The following KAZN variants were observed in gnomAD, a reference collection of about 807,000 sequenced individuals.
KAZN encodes kazrin.
Under a neutral mutation model 87.4 loss-of-function variants are expected in KAZN, and 40 were observed. That is an observed-to-expected ratio of 0.46 (90% CI 0.36 to 0.60). The LOEUF is 0.60. KAZN is among the 20% of genes least tolerant of loss of function. The pLI, the probability that KAZN is intolerant of heterozygous loss-of-function variation, is 0.00. For synonymous variants in KAZN, 466 were observed against 458.3 expected, an observed-to-expected ratio of 1.02 and a Z score of -0.22; for missense variants, 898 against 1,073.9, an observed-to-expected ratio of 0.84 and a Z score of 2.29.
intron 2 of KAZN, among the ~76,000 whole-genome samples, chr1:14,256,158 T>G (rs1650495934): frequency 1.3e-5 from 2 of 152,166 alleles, no homozygotes; most frequent in Non-Finnish European, 2.9e-5. Context: ...CCTTCTATGC[T>G]GTTAACTCAG....
At chr1:14,115,326 C>T (rs1287133773) in intron 1 of KAZN, among the ~76,000 whole-genome samples, 1 of 152,204 alleles carries the variant, frequency 6.6e-6, no homozygotes, top group East Asian at 1.9e-4. Flanking sequence ...TGGCTGTGCC[C>T]CCACCCAAAT....
intron 1 of KAZN, among the ~76,000 whole-genome samples, chr1:14,054,363 C>G (rs914187825): frequency 6.6e-6 from 1 of 152,230 alleles, no homozygotes; most frequent in Non-Finnish European, 1.5e-5. Context: ...CCTATAAGGT[C>G]TGATGGACAA....
chr1:14,823,462 C>T (rs1646794566), intron 1 of KAZN, among the ~76,000 whole-genome samples: 1 of 152,104 alleles, frequency 6.6e-6, no homozygotes, highest in South Asian at 2.1e-4. Flanking sequence ...GGTATCCCCA[C>T]CCCCACTCCC....
At chr1:15,000,274 A>C (rs888147585) in intron 2 of KAZN, among the ~76,000 whole-genome samples, 1 of 151,672 alleles carries the variant, frequency 6.6e-6, no homozygotes, top group African/African-American at 2.4e-5. Flanking sequence ...GCAAGGAAAC[A>C]AATTCTCCCC....
chr1:14,843,533 C>T (rs1415064609), intron 1 of KAZN, among the ~76,000 whole-genome samples: 1 of 152,134 alleles, frequency 6.6e-6, no homozygotes, highest in African/African-American at 2.4e-5. Context: ...TCTGCCGTGC[C>T]CTGATTCTGA....
chr1:14,499,553 C>T lies in KAZN; in HGVS notation c.250-99430C>T, dbSNP rs192664457. Among the ~76,000 whole-genome samples, 15 of 152,250 alleles carry T rather than the reference C, an allele frequency of 9.9e-5. No individual in the cohort carries two copies. In the East Asian group the frequency reaches 1.7e-3, roughly 18 times the overall value. The stretch of plus-strand genomic sequence containing the variant: ...TAACAATGGTGCATTGTCTCATTAT[C>T]GATTGTTCTGCAGTCTAACTGGGTT... On this transcript the variant is annotated intron_variant, in intron 2 of 16. Transcript: ENST00000636203.
At chr1:14,412,138 A>G (rs756330800) in intron 2 of KAZN, among the ~76,000 whole-genome samples, 27 of 152,356 alleles carry the variant, frequency 1.8e-4, no homozygotes, top group Non-Finnish European at 3.7e-4. Flanking sequence ...CAAAGAAAAG[A>G]CGTGACAAAC....
intron 1 of KAZN, among the ~76,000 whole-genome samples, chr1:14,846,574 ATATT>A (rs922638067): frequency 2.0e-5 from 3 of 152,194 alleles, no homozygotes; most frequent in African/African-American, 7.2e-5. Flanking sequence ...ACAAGAACAC[ATATT>A]TATTTTAGTT....
chr1:14,403,403 G>GA (rs146746817), intron 2 of KAZN, among the ~76,000 whole-genome samples: 38,951 of 149,828 alleles, frequency 0.26, 5,799 homozygotes, highest in Non-Finnish European at 0.35. Context: ...CTCCCCAAAC[G>GA]AAAAAAAAAT....
chr1:14,832,811 CAAAG>C (rs1053068968), intron 1 of KAZN, among the ~76,000 whole-genome samples: 4 of 152,132 alleles, frequency 2.6e-5, no homozygotes, highest in African/African-American at 9.6e-5. Context: ...TGAAAAAAAA[CAAAG>C]GAAGAGCAAT....
At chr1:14,940,927 T>TC (rs1660998214) in intron 1 of KAZN, among the ~76,000 whole-genome samples, 1 of 131,390 alleles carries the variant, frequency 7.6e-6, no homozygotes, top group Non-Finnish European at 1.6e-5. Flanking sequence ...TTTTTTTTTT[T>TC]TTCTGAGAGA....
chr1:14,559,754 C>T (rs1328538694), intron 2 of KAZN, among the ~76,000 whole-genome samples: 1 of 152,144 alleles, frequency 6.6e-6, no homozygotes. Context: ...AAATAATACC[C>T]TTCAGCTGAA....
chr1:14,230,895 G>A (rs542398777), intron 2 of KAZN, among the ~76,000 whole-genome samples: 2 of 152,124 alleles, frequency 1.3e-5, no homozygotes, highest in Non-Finnish European at 2.9e-5. Flanking sequence ...TCTCAAAGAA[G>A]CCTAAGGTCT....
intron 1 of KAZN, among the ~76,000 whole-genome samples, chr1:14,932,462 G>A (rs112122775): frequency 1.3e-5 from 2 of 152,308 alleles, no homozygotes; most frequent in South Asian, 2.1e-4. Flanking sequence ...GAGAGCCTGC[G>A]TGGGGCCCTC....
chr1:14,072,111 T>C (rs1643271764), intron 1 of KAZN, among the ~76,000 whole-genome samples: 1 of 152,130 alleles, frequency 6.6e-6, no homozygotes, highest in African/African-American at 2.4e-5. Flanking sequence ...TATCCTCACC[T>C]GTGAAATGGG....
intron 2 of KAZN, among the ~76,000 whole-genome samples, chr1:14,407,921 T>C (rs1012724286): frequency 6.6e-6 from 1 of 152,216 alleles, no homozygotes; most frequent in South Asian, 2.1e-4. Context: ...CATTTCATTA[T>C]TTGCTACTTT....
chr1:14,343,946 T>C (rs1301189800), intron 2 of KAZN, among the ~76,000 whole-genome samples: 1 of 152,168 alleles, frequency 6.6e-6, no homozygotes, highest in East Asian at 1.9e-4. Context: ...TGTAGCTGCA[T>C]TGTACTAAAA....
intron 1 of KAZN, among the ~76,000 whole-genome samples, chr1:14,900,648 G>A (rs1557602088): frequency 6.6e-6 from 1 of 151,914 alleles, no homozygotes; most frequent in African/African-American, 2.4e-5. Flanking sequence ...CAACTACTCG[G>A]GAGGCTGAGG....
chr1:15,109,078 A>C (rs1263727626), intron 13 of KAZN, among the ~76,000 whole-genome samples: 1 of 152,138 alleles, frequency 6.6e-6, no homozygotes, highest in Non-Finnish European at 1.5e-5. Context: ...TTCTGTGCAT[A>C]GGGTAGCTTG....
Sources: gnomAD v4.1 joint callset for allele counts (sites outside exome capture counted in the v4.1 genomes callset) on GRCh38, gnomAD v4.1.1 for gene constraint, MANE v1.5 for transcripts, NCBI Gene and HGNC (gene_info 2026-07-23, HGNC 2026-07-21) for gene names.